GNG12: variants seen among roughly 807,000 people sequenced by gnomAD.
GNG12 encodes guanine nucleotide-binding protein G(I)/G(S)/G(O) subunit gamma-12.
For synonymous variants in GNG12, 28 were observed against 29.7 expected (o/e 0.94, Z 0.19); for missense variants, 69 against 83.8 (o/e 0.82, Z 0.69).
chr1:67,829,584 C>A (rs1421522093), intron 1 of GNG12, among the ~76,000 whole-genome samples: 1 of 152,158 alleles, frequency 6.6e-6, no homozygotes, highest in African/African-American at 2.4e-5. Flanking sequence ...TGAATGTGGA[C>A]TATGCACCAG....
chr1:67,751,317 G>A (rs1188867420), intron 2 of GNG12, among the ~76,000 whole-genome samples: 1 of 152,206 alleles, frequency 6.6e-6, no homozygotes, highest in East Asian at 1.9e-4. Flanking sequence ...AGCTATAGTT[G>A]TTCAACAGAG....
At chr1:67,795,953 T>C (rs1055162825) in intron 1 of GNG12, among the ~76,000 whole-genome samples, 1 of 152,228 alleles carries the variant, frequency 6.6e-6, no homozygotes, top group African/African-American at 2.4e-5. Flanking sequence ...ACAAGAATAC[T>C]TTCTCCTACG....
chr1:67,710,747 C>A (rs1182430743), intron 2 of GNG12, among the ~76,000 whole-genome samples: 1 of 152,174 alleles, frequency 6.6e-6, no homozygotes, highest in Admixed American at 6.5e-5. Context: ...ATTCTGATAT[C>A]TGCGTTCAGA....
intron 1 of GNG12, among the ~76,000 whole-genome samples, chr1:67,827,677 G>A (rs962152378): frequency 5.0e-5 from 7 of 138,874 alleles, no homozygotes; most frequent in Admixed American, 7.3e-5. Context: ...CACCCGCCTC[G>A]GCCTCCCAAA....
intron 1 of GNG12, among the ~76,000 whole-genome samples, chr1:67,793,229 T>G (rs1193296977): frequency 6.6e-6 from 1 of 152,196 alleles, no homozygotes; most frequent in Non-Finnish European, 1.5e-5. Context: ...GAGAAATAAG[T>G]CAGACTCAGC....
At chr1:67,812,568 A>G (rs1646932084) in intron 1 of GNG12, among the ~76,000 whole-genome samples, 1 of 152,166 alleles carries the variant, frequency 6.6e-6, no homozygotes, top group South Asian at 2.1e-4. Flanking sequence ...GGGAGGAGAT[A>G]AGACTTAGAG....
At chr1:67,749,133 G>C (rs926752990) in intron 2 of GNG12, among the ~76,000 whole-genome samples, 2 of 152,154 alleles carry the variant, frequency 1.3e-5, no homozygotes, top group African/African-American at 4.8e-5. Flanking sequence ...ATTACTTATA[G>C]TAACCGCAAA....
intron 2 of GNG12, among the ~76,000 whole-genome samples, chr1:67,751,252 C>T (rs533729970): frequency 6.6e-6 from 1 of 151,924 alleles, no homozygotes; most frequent in African/African-American, 2.4e-5. Flanking sequence ...TTCTGGGCCA[C>T]TAAAAATATT....
intron 2 of GNG12, among the ~76,000 whole-genome samples, chr1:67,761,208 T>C (rs897655014): frequency 6.6e-6 from 1 of 152,232 alleles, no homozygotes; most frequent in Non-Finnish European, 1.5e-5. Context: ...TCAATATTTA[T>C]GAATAACAGC....
chr1:67,745,457 A>G (rs373149341), intron 2 of GNG12, among the ~76,000 whole-genome samples: 13 of 152,342 alleles, frequency 8.5e-5, no homozygotes, highest in East Asian at 7.7e-4. Context: ...GCAGCATGGC[A>G]TTGGGAAGGA....
chr1:67,709,868 A>G (rs868551097), intron 2 of GNG12, among the ~76,000 whole-genome samples: 1 of 122,368 alleles, frequency 8.2e-6, no homozygotes, highest in South Asian at 2.3e-4. Context: ...ATATATAGTT[A>G]TATATATATT....
chr1:67,724,429 C>T (rs780166696), intron 2 of GNG12, among the ~76,000 whole-genome samples: 5 of 152,150 alleles, frequency 3.3e-5, no homozygotes, highest in African/African-American at 4.8e-5. Flanking sequence ...CTCACTCTGT[C>T]GCCAGGCTGG....
intron 2 of GNG12, among the ~76,000 whole-genome samples, chr1:67,732,572 C>T (rs75178900): frequency 1.8e-4 from 28 of 152,360 alleles, no homozygotes; most frequent in African/African-American, 6.7e-4. Flanking sequence ...AATCGAGTGG[C>T]AGGTCCCATA....
At chr1:67,744,428 T>C (rs906389483) in intron 2 of GNG12, among the ~76,000 whole-genome samples, 8 of 152,152 alleles carry the variant, frequency 5.3e-5, no homozygotes, top group Admixed American at 5.2e-4. Flanking sequence ...AGGCTACCCC[T>C]GGTGTTTCCT....
At position 67,777,460 on chromosome 1, in the gene GNG12, G is replaced by A; in HGVS notation, c.-29C>T. 2 of 911,728 alleles carry A rather than the reference G, an allele frequency of 2.2e-6. No homozygotes were observed. The highest frequency in any genetic ancestry group is 2.6e-6 in the Non-Finnish European group (2 of 762,656). The allele number at this position is 911,728 out of a possible 1,614,324, so 56.5% of individuals were successfully genotyped here. The stretch of plus-strand genomic sequence containing the variant: ...TGTTTAAGAAATGAAGAACTTACCA[G>A]TAAGACTTTGTGTGGTCCAATGTTT... On this transcript the variant is annotated splice_region_variant and 5_prime_UTR_variant, in exon 2 of 4. Transcript: ENST00000370982.
At chr1:67,760,474 C>T (rs1646595978) in intron 2 of GNG12, among the ~76,000 whole-genome samples, 1 of 152,080 alleles carries the variant, frequency 6.6e-6, no homozygotes, top group Non-Finnish European at 1.5e-5. Flanking sequence ...CATGGGTTGC[C>T]CGAAAAGGCT....
intron 1 of GNG12, among the ~76,000 whole-genome samples, chr1:67,803,561 C>T (rs916402963): frequency 6.6e-6 from 1 of 152,158 alleles, no homozygotes; most frequent in Non-Finnish European, 1.5e-5. Flanking sequence ...CATGGGTGAG[C>T]CTCCTGTGCC....
chr1:67,832,284 G>A (rs1303524876), intron 1 of GNG12: 1 of 152,188 alleles, frequency 6.6e-6, no homozygotes, highest in South Asian at 2.1e-4. Flanking sequence ...CTGGTGTTCA[G>A]AGATTTCCTT....
chr1:67,707,323 G>A (rs970195850), intron 3 of GNG12, among the ~76,000 whole-genome samples: 1 of 152,294 alleles, frequency 6.6e-6, no homozygotes, highest in Middle Eastern at 3.4e-3. Flanking sequence ...AGGGATCAAC[G>A]GACTTGACCA....
Sources: gnomAD v4.1 joint callset for allele counts (sites outside exome capture counted in the v4.1 genomes callset) on GRCh38, gnomAD v4.1.1 for gene constraint, MANE v1.5 for transcripts, NCBI Gene and HGNC (gene_info 2026-07-23, HGNC 2026-07-21) for gene names.